The following ADGRG7 variants were observed in gnomAD, a reference collection of about 807,000 sequenced individuals.
ADGRG7 encodes G-protein coupled receptor 128.
A neutral mutation model predicts 88.6 loss-of-function variants in ADGRG7; 82 were observed. The observed-to-expected ratio is 0.93, with a 90% CI of 0.77 to 1.11. The LOEUF (loss-of-function observed/expected upper bound fraction) is 1.11. ADGRG7 is among the 50% of genes most tolerant of loss of function. ADGRG7 has a pLI of 0.00. For missense variants in ADGRG7, 945 were observed against 953.4 expected, an observed-to-expected ratio of 0.99 and a Z score of 0.12; for synonymous variants, 381 against 345.2, an observed-to-expected ratio of 1.10 and a Z score of -1.15.
intron 1 of ADGRG7, among the ~76,000 whole-genome samples, chr3:100,623,826 T>A (rs1354677053): frequency 6.6e-6 from 1 of 152,192 alleles, no homozygotes; most frequent in Admixed American, 6.5e-5. Flanking sequence ...CTGTGTTAGT[T>A]TGCTGAGAAT....
At chr3:100,644,937 T>C (rs1258940703) in intron 8 of ADGRG7, among the ~76,000 whole-genome samples, 2 of 152,214 alleles carry the variant, frequency 1.3e-5, no homozygotes, top group African/African-American at 4.8e-5. Context: ...GTCAATGTAC[T>C]GTGAACAAAA....
chr3:100,659,895 A>C, intron 14 of ADGRG7, 52 bp downstream of exon 14: 1 of 1,547,546 alleles, frequency 6.5e-7, no homozygotes, highest in Non-Finnish European at 8.9e-7. Flanking sequence ...TCCAGCACTT[A>C]ACGCAGCACC....
At chr3:100,661,010 C>A (rs183073844) in intron 14 of ADGRG7, among the ~76,000 whole-genome samples, 1 of 151,982 alleles carries the variant, frequency 6.6e-6, no homozygotes, top group East Asian at 1.9e-4. Flanking sequence ...TCTGGCCACT[C>A]TAAGCTGACA....
intron 13 of ADGRG7, among the ~76,000 whole-genome samples, chr3:100,657,578 G>T (rs141702273): frequency 6.6e-6 from 1 of 152,172 alleles, no homozygotes; most frequent in East Asian, 1.9e-4. Context: ...TTATAATTGG[G>T]GGGAAATTTT....
intron 1 of ADGRG7, among the ~76,000 whole-genome samples, chr3:100,610,877 G>A (rs1707137504): frequency 6.6e-6 from 1 of 152,188 alleles, no homozygotes; most frequent in African/African-American, 2.4e-5. Flanking sequence ...GAAGGTTGGG[G>A]AGCTAGCAGG....
At chr3:100,653,133 T>C (rs764551051) in intron 11 of ADGRG7, among the ~76,000 whole-genome samples, 4 of 152,172 alleles carry the variant, frequency 2.6e-5, no homozygotes, top group Non-Finnish European at 5.9e-5. Flanking sequence ...AGAAAAGATA[T>C]GTGAAATATT....
Position 100,633,256 on chromosome 3 carries a change from G to C in ADGRG7, c.335-9G>C. The C allele has an allele frequency of 7.2e-7, 1 of 1,380,638 alleles. No homozygotes were observed. The highest frequency in any genetic ancestry group is 9.5e-7 in the Non-Finnish European group (1 of 1,047,954). 85.5% of individuals were successfully genotyped at this position (1,380,638 alleles called of 1,614,324 possible). On this transcript the variant is annotated splice_polypyrimidine_tract_variant and intron_variant, in intron 3 of 15. Transcript: ENST00000273352. ...CTTATTTTTAATAAAAAATTTCTTT[G>C]TATTAAAGCGGGCAATCCAATGGCA...
intron 4 of ADGRG7, 52 bp downstream of exon 4, chr3:100,633,429 C>A (rs372793318): frequency 4.0e-5 from 41 of 1,017,042 alleles, no homozygotes; most frequent in Middle Eastern, 2.1e-4. Context: ...TGATTCCGTG[C>A]AGTTTCTGTT....
intron 12 of ADGRG7, 33 bp from the exon 13 acceptor site, chr3:100,655,866 A>G: frequency 8.4e-7 from 1 of 1,193,288 alleles, no homozygotes; most frequent in Non-Finnish European, 1.2e-6. Context: ...GTCTGGATAA[A>G]TCATTAATTA....
intron 13 of ADGRG7, among the ~76,000 whole-genome samples, chr3:100,656,986 C>T (rs1327508008): frequency 2.0e-5 from 3 of 152,208 alleles, no homozygotes; most frequent in African/African-American, 7.2e-5. Flanking sequence ...AGGTAATTCA[C>T]TTCAAATTGC....
intron 15 of ADGRG7, among the ~76,000 whole-genome samples, chr3:100,676,583 G>A (rs956523673): frequency 6.6e-6 from 1 of 152,008 alleles, no homozygotes; most frequent in Non-Finnish European, 1.5e-5. Flanking sequence ...GCAGCCATTG[G>A]ATGAAATGTT....
chr3:100,689,340 G>C (rs1261373611), intron 15 of ADGRG7, among the ~76,000 whole-genome samples: 1 of 152,166 alleles, frequency 6.6e-6, no homozygotes, highest in Non-Finnish European at 1.5e-5. Flanking sequence ...CAATTTGCCA[G>C]TCTGTGTCTT....
At chr3:100,655,557 T>C (rs575764394) in intron 12 of ADGRG7, among the ~76,000 whole-genome samples, 3 of 152,310 alleles carry the variant, frequency 2.0e-5, no homozygotes, top group Non-Finnish European at 2.9e-5. Flanking sequence ...GAAAAATTTA[T>C]TGGGTTCCAG....
intron 1 of ADGRG7, among the ~76,000 whole-genome samples, chr3:100,626,832 G>T (rs1182602768): frequency 6.6e-6 from 1 of 152,090 alleles, no homozygotes; most frequent in African/African-American, 2.4e-5. Context: ...AGTAAATTTT[G>T]TTAGATTTAT....
intron 13 of ADGRG7, among the ~76,000 whole-genome samples, chr3:100,657,367 C>T (rs565422588): frequency 5.1e-4 from 77 of 152,170 alleles, no homozygotes; most frequent in Non-Finnish European, 8.7e-4. Context: ...CTGTGCACTC[C>T]CCTGTTGCTC....
chr3:100,652,520 A>T (rs1265626784), intron 11 of ADGRG7, among the ~76,000 whole-genome samples: 1 of 152,182 alleles, frequency 6.6e-6, no homozygotes, highest in Non-Finnish European at 1.5e-5. Context: ...TTTATTGGCG[A>T]GGAACTGTCT....
chr3:100,633,242 T>C (rs762565256), intron 3 of ADGRG7, 23 bp from the exon 4 acceptor site: 49 of 1,210,386 alleles, frequency 4.0e-5, no homozygotes, highest in Non-Finnish European at 5.3e-5. Flanking sequence ...TTATTTTTAA[T>C]AAAAAATTTC....
At chr3:100,619,150 T>C (rs1707270220) in intron 1 of ADGRG7, among the ~76,000 whole-genome samples, 1 of 152,078 alleles carries the variant, frequency 6.6e-6, no homozygotes, top group South Asian at 2.1e-4. Context: ...TATACAATCA[T>C]GTCATAGTAA....
chr3:100,684,785 A>G (rs2094979424), intron 15 of ADGRG7, among the ~76,000 whole-genome samples: 1 of 151,936 alleles, frequency 6.6e-6, no homozygotes, highest in Non-Finnish European at 1.5e-5. Context: ...TCTACTAATT[A>G]TAATCTTTAT....
Sources: allele counts gnomAD v4.1 joint callset (sites outside exome capture counted in the v4.1 genomes callset), GRCh38; gene constraint gnomAD v4.1.1; transcripts MANE v1.5; gene names NCBI Gene and HGNC (gene_info 2026-07-23, HGNC 2026-07-21).